The following BCL11B variants were observed in gnomAD, a reference collection of about 807,000 sequenced individuals.
The protein encoded by BCL11B is BCL11 transcription factor B, also known as B-cell lymphoma/leukemia 11B.
BCL11B carries 8 observed loss-of-function variants against 49.9 expected under a neutral mutation model. The ratio of observed to expected loss-of-function variants is 0.16; its 90% CI spans 0.09 to 0.29. BCL11B has a LOEUF of 0.29. Among genes scored for constraint, BCL11B ranks in the 10% least tolerant of loss-of-function variants. BCL11B has a pLI of 1.00. For synonymous variants in BCL11B, 739 were observed against 637.4 expected (o/e 1.16, Z -2.40); for missense variants, 1,006 against 1,351.0 (o/e 0.74, Z 4.00).
At chr14:99,229,677 A>T (rs1888271812) in intron 3 of BCL11B, among the ~76,000 whole-genome samples, 1 of 152,182 alleles carries the variant, frequency 6.6e-6, no homozygotes, top group South Asian at 2.1e-4. Flanking sequence ...ACAGAGGGTT[A>T]AGCAAAGCCC....
In BCL11B at chr14:99,194,152, C is replaced by T. The variant is rs781116195; in HGVS notation, c.641-17957G>A. 2.0e-5 allele frequency among the ~76,000 whole-genome samples: 3 copies of T among 152,298 alleles called. No homozygotes were observed. The highest frequency in any genetic ancestry group is 1.3e-4 in the Admixed American group (2 of 15,300). ...ATTCTCCCAAACATGATGGAGAAGA[C>T]GAAATATCAGGAAGCTCAGGGCAGG... is the stretch of plus-strand genomic sequence containing the variant. On this transcript the variant is annotated intron_variant, in intron 3 of 3. Transcript: ENST00000357195. The surrounding 1 kb of genome is among the most constrained non-coding windows in gnomAD (Gnocchi z 4.6).
intron 1 of BCL11B, 31 bp downstream of exon 1, chr14:99,271,129 CG>C: frequency 6.5e-7 from 1 of 1,528,958 alleles, no homozygotes. Context: ...GCCCCATCTC[CG>C]GCCCCTCGCG....
chr14:99,222,836 CCTTT>C (rs34988198), intron 3 of BCL11B, among the ~76,000 whole-genome samples: 6,255 of 151,376 alleles, frequency 0.041, 229 homozygotes, highest in East Asian at 0.17. Flanking sequence ...TCTTTATTTC[CCTTT>C]CTTTCTTTCT....
chr14:99,226,710 A>G (rs1888172484), intron 3 of BCL11B, among the ~76,000 whole-genome samples: 1 of 152,202 alleles, frequency 6.6e-6, no homozygotes, highest in Non-Finnish European at 1.5e-5. Context: ...ACGGCGCCCC[A>G]TTGGACGGCT....
chr14:99,244,994 G>A (rs1152792), intron 2 of BCL11B, among the ~76,000 whole-genome samples: 86,943 of 152,074 alleles, frequency 0.57, 25,525 homozygotes, highest in East Asian at 0.83. Flanking sequence ...ATCCTAGCCT[G>A]GAAAAGCTGT....
rs150382249 is a variant in BCL11B, at chr14:99,259,668, A to G, written c.59-1829T>C. On this transcript the variant is annotated intron_variant, in intron 1 of 3. Transcript: ENST00000357195. ...TGTTGTCTGCATCTCTCTAAGAAAA[A>G]GAACCTACAAGGTAAAGAAACAGTC... Among the ~76,000 whole-genome samples, 111 of 152,358 alleles carry G rather than the reference A, an allele frequency of 7.3e-4. No homozygotes were observed. In the East Asian group the frequency reaches 0.019, roughly 27 times the overall value.
At position 99,174,601 on chromosome 14, in the gene BCL11B, G is replaced by T. The variant is rs564784631; in HGVS notation, c.2235C>A (p.Ser745=). 23 of 1,535,606 alleles carry T rather than the reference G, an allele frequency of 1.5e-5. No homozygotes were observed. In the African/African-American group the frequency reaches 3.1e-4, roughly 21 times the overall value. The change falls in exon 4 of 4, where the codon TCC becomes TCA. Residue 745 remains serine, a synonymous_variant. Coordinates refer to ENST00000357195, the MANE Select transcript of BCL11B (RefSeq NM_138576.4). ...TGGAGAAGCGCAGGCTGCCGTTCTC[G>T]GACGAGTGCTCGGACGACGTGGCGA... ...SPFATSSEHS[S]ENGSLRFSTP... is the part of the protein sequence containing the mutation.
At chr14:99,198,051 A>G (rs1171079474) in intron 3 of BCL11B, among the ~76,000 whole-genome samples, 1 of 152,210 alleles carries the variant, frequency 6.6e-6, no homozygotes, top group Non-Finnish European at 1.5e-5. Context: ...GAAGGGCTGG[A>G]TGGTTTTCTG....
intron 2 of BCL11B, among the ~76,000 whole-genome samples, chr14:99,246,237 G>A (rs895266308): frequency 2.6e-5 from 4 of 152,208 alleles, no homozygotes; most frequent in African/African-American, 4.8e-5. Flanking sequence ...ACGCGGGCTG[G>A]GTCAGCTGCG....
chr14:99,216,765 T>C (rs1887846436), intron 3 of BCL11B, among the ~76,000 whole-genome samples: 1 of 152,092 alleles, frequency 6.6e-6, no homozygotes, highest in South Asian at 2.1e-4. Context: ...GTGCTGATAG[T>C]TCTCCCTGGA....
chr14:99,203,508 A>G (rs1212005920), intron 3 of BCL11B, among the ~76,000 whole-genome samples: 1 of 152,210 alleles, frequency 6.6e-6, no homozygotes, highest in Non-Finnish European at 1.5e-5. Flanking sequence ...GTCAGTGAGG[A>G]TGAAGAAAGG....
chr14:99,265,940 A>G (rs1023983035), intron 1 of BCL11B, among the ~76,000 whole-genome samples: 9 of 152,236 alleles, frequency 5.9e-5, no homozygotes, highest in Non-Finnish European at 5.9e-5. Flanking sequence ...AACTTGGGAA[A>G]GAAGACATTA....
intron 2 of BCL11B, among the ~76,000 whole-genome samples, chr14:99,240,539 G>C (rs1173102666): frequency 6.6e-6 from 1 of 152,180 alleles, no homozygotes; most frequent in Non-Finnish European, 1.5e-5. Flanking sequence ...TTTCAACAAA[G>C]TAGTTCCTTT....
chr14:99,240,848 G>A (rs1056088076), intron 2 of BCL11B, among the ~76,000 whole-genome samples: 4 of 152,188 alleles, frequency 2.6e-5, no homozygotes, highest in South Asian at 2.1e-4. Context: ...CTAGCCACGC[G>A]CGAGACGCCG....
chr14:99,181,882 C>A (rs1050315152), intron 3 of BCL11B, among the ~76,000 whole-genome samples: 1 of 152,224 alleles, frequency 6.6e-6, no homozygotes, highest in Non-Finnish European at 1.5e-5. Context: ...ACTCAGTCCG[C>A]CTCCAGAATC....
rs956082069 is a variant in BCL11B at position 99,170,958 on chromosome 14, G to A, written c.*3193C>T. On this transcript the variant is annotated 3_prime_UTR_variant, in exon 4 of 4. Transcript: ENST00000357195. ...TGGTAAGGGCGGGAGAGGTGGTGGT[G>A]GTGACCGCCACAGGAGTGATGGTAG... 1.3e-5 allele frequency: 3 copies of A among 232,658 alleles called. No individual in the cohort carries two copies. Among genetic ancestry groups the A allele is most frequent in the Non-Finnish European group, 2.5e-5 (3 of 117,682 alleles). The allele number at this position is 232,658 out of a possible 1,614,324, so 14.4% of individuals were successfully genotyped here. A position where few individuals can be genotyped will look rare whatever the true frequency, so the allele number is the denominator to read the frequency against.
At chr14:99,211,085 C>T (rs771301773) in intron 3 of BCL11B, among the ~76,000 whole-genome samples, 36 of 152,192 alleles carry the variant, frequency 2.4e-4, no homozygotes, top group Non-Finnish European at 4.4e-4. Flanking sequence ...CGTCCTGAGC[C>T]ATCCACACAT....
At chr14:99,236,331 G>C (rs1457406615) in intron 2 of BCL11B, among the ~76,000 whole-genome samples, 1 of 152,152 alleles carries the variant, frequency 6.6e-6, no homozygotes, top group Non-Finnish European at 1.5e-5. Flanking sequence ...TAAGTATTAA[G>C]AGCGTGAGGG....
chr14:99,269,998 CG>C (rs1202928352), intron 1 of BCL11B, among the ~76,000 whole-genome samples: 3 of 148,930 alleles, frequency 2.0e-5, no homozygotes, highest in African/African-American at 7.5e-5. Flanking sequence ...CTGCGGCGGG[CG>C]GGGAGCGCCG....
Sources: gnomAD v4.1 joint callset for allele counts (sites outside exome capture counted in the v4.1 genomes callset) on GRCh38, gnomAD v4.1.1 for gene constraint, Gnocchi (gnomAD v3.1) non-coding constraint, MANE v1.5 for transcripts, NCBI Gene and HGNC (gene_info 2026-07-23, HGNC 2026-07-21) for gene names.